Variants in PIEZO2 observed in about 807,000 individuals in gnomAD.
PIEZO2 encodes piezo type mechanosensitive ion channel component 2.
In PIEZO2, 172 loss-of-function variants were observed where a neutral mutation model predicts 337.3. The observed-to-expected ratio is 0.51, with a 90% CI of 0.45 to 0.58. The LOEUF (loss-of-function observed/expected upper bound fraction) is 0.58. PIEZO2 is among the 20% of genes least tolerant of loss of function. PIEZO2 has a pLI of 0.00. For synonymous variants in PIEZO2, 1,251 were observed against 1,228.5 expected (o/e 1.02, Z -0.38); for missense variants, 3,028 against 3,391.3 (o/e 0.89, Z 2.66).
At chr18:11,019,822 A>C (rs1010970058) in intron 2 of PIEZO2, among the ~76,000 whole-genome samples, 1 of 152,200 alleles carries the variant, frequency 6.6e-6, no homozygotes. Context: ...TTGTTTTCTT[A>C]ATAGTACTAA....
chr18:10,731,788 T>C (rs1409725210), intron 35 of PIEZO2, among the ~76,000 whole-genome samples: 1 of 152,302 alleles, frequency 6.6e-6, no homozygotes, highest in African/African-American at 2.4e-5. Flanking sequence ...AGTCCCTACA[T>C]CTCACCACAA....
At chr18:10,736,458 A>T in intron 34 of PIEZO2, 146 bp downstream of exon 34, 1 of 1,184,728 alleles carries the variant, frequency 8.4e-7, no homozygotes. Flanking sequence ...CAATTTAATT[A>T]GAAATAAAGA....
rs377231351 is a variant in PIEZO2, at chr18:11,127,354, C to G, written c.64+21171G>C. 6.6e-6 allele frequency among the ~76,000 whole-genome samples: 1 copy of G among 152,082 alleles called. No homozygotes were observed. The highest frequency in any genetic ancestry group is 2.4e-5 in the African/African-American group (1 of 41,408). ...GTGAACTTGATTGGATTGAAGGATA[C>G]GATGTATTGATCCTGGGTGTGTCTG... On this transcript the variant is annotated intron_variant, in intron 1 of 55. Coordinates refer to ENST00000674853, the MANE Select transcript of PIEZO2 (RefSeq NM_001378183.1). The surrounding 1 kb of genome is among the most constrained non-coding windows in gnomAD (Gnocchi z 4.5).
intron 32 of PIEZO2, 131 bp from the exon 33 acceptor site, chr18:10,741,233 T>C (rs992629397): frequency 3.6e-5 from 26 of 726,292 alleles, no homozygotes; most frequent in Middle Eastern, 3.2e-4. Flanking sequence ...GTAAAGGAAC[T>C]ATACTGAATC....
intron 4 of PIEZO2, among the ~76,000 whole-genome samples, chr18:10,883,230 G>A (rs118032411): frequency 0.011 from 1,740 of 152,146 alleles, 28 homozygotes; most frequent in Non-Finnish European, 0.013. Flanking sequence ...ATAAACAAGG[G>A]AGTATAAATA....
intron 29 of PIEZO2, among the ~76,000 whole-genome samples, chr18:10,749,531 C>CA: frequency 6.6e-6 from 1 of 152,038 alleles, no homozygotes; most frequent in South Asian, 2.1e-4. Context: ...CAAGTAGCAC[C>CA]CATTCTGGGT....
intron 15 of PIEZO2, 80 bp from the exon 16 acceptor site, chr18:10,787,264 A>T: frequency 8.0e-7 from 1 of 1,257,458 alleles, no homozygotes; most frequent in Non-Finnish European, 1.1e-6. Flanking sequence ...GTTTAATTCA[A>T]GTAAGACAAG....
intron 3 of PIEZO2, among the ~76,000 whole-genome samples, chr18:10,927,969 A>G (rs1487825342): frequency 6.6e-6 from 1 of 152,224 alleles, no homozygotes; most frequent in Non-Finnish European, 1.5e-5. Flanking sequence ...TTAGACGTGG[A>G]TTAATGTATT....
chr18:10,720,240 A>ATATATATATATATATATATATATATG, intron 36 of PIEZO2, among the ~76,000 whole-genome samples: 1 of 127,364 alleles, frequency 7.9e-6, no homozygotes, highest in Non-Finnish European at 1.7e-5. Flanking sequence ...GTGTGTATAT[A>ATATATATATATATATATATATATATG]TATATATATG....
intron 5 of PIEZO2, among the ~76,000 whole-genome samples, chr18:10,866,479 G>A (rs940304494): frequency 1.3e-5 from 2 of 152,114 alleles, no homozygotes; most frequent in African/African-American, 4.8e-5. Flanking sequence ...TAGAGACAGG[G>A]TTTCACTGTG....
intron 3 of PIEZO2, among the ~76,000 whole-genome samples, chr18:10,939,209 G>A (rs536483837): frequency 1.4e-5 from 2 of 145,926 alleles, no homozygotes; most frequent in East Asian, 4.0e-4. Flanking sequence ...TTTAGCTCAT[G>A]GATATATGCC....
intron 23 of PIEZO2, among the ~76,000 whole-genome samples, chr18:10,761,732 A>T (rs1018492787): frequency 1.1e-4 from 16 of 152,242 alleles, no homozygotes; most frequent in Admixed American, 3.3e-4. Flanking sequence ...GTACTGGTAC[A>T]AAAGATATCT....
In PIEZO2 at chr18:10,919,083, C is replaced by T. The variant is rs139394512; in HGVS notation, c.287-7855G>A. On this transcript the variant is annotated intron_variant, in intron 3 of 55. Coordinates refer to ENST00000674853, the MANE Select transcript of PIEZO2 (RefSeq NM_001378183.1). ...ACACAGAGTTGAGTTTTTTATAAATCTTTTTTATCTTTTACAAAACATTTT... is the reference window on the plus strand; with the variant it reads ...ACACAGAGTTGAGTTTTTTATAAATTTTTTTTATCTTTTACAAAACATTTT... Among the ~76,000 whole-genome samples the T allele has an allele frequency of 1.3e-4, 19 of 151,894 alleles. 1 individual carries two copies. Among genetic ancestry groups the T allele is most frequent in the African/African-American group, 4.6e-4 (19 of 41,442 alleles).
chr18:10,921,355 G>A (rs1481974180), intron 3 of PIEZO2, among the ~76,000 whole-genome samples: 2 of 152,144 alleles, frequency 1.3e-5, no homozygotes, highest in East Asian at 3.9e-4. Context: ...AACATGAATT[G>A]TAAAGATTTC....
chr18:10,906,408 C>G (rs1319271364), intron 4 of PIEZO2, among the ~76,000 whole-genome samples: 1 of 152,096 alleles, frequency 6.6e-6, no homozygotes, highest in Admixed American at 6.5e-5. Context: ...AATATGATCT[C>G]CCAGTAAGCA....
chr18:11,013,856 C>G (rs1013362719), intron 2 of PIEZO2, among the ~76,000 whole-genome samples: 9 of 152,302 alleles, frequency 5.9e-5, no homozygotes, highest in Admixed American at 3.9e-4. Context: ...GAAGATTGTG[C>G]TGTTCTAATT....
chr18:10,881,900 C>T (rs1038933039), intron 4 of PIEZO2, among the ~76,000 whole-genome samples: 3 of 152,086 alleles, frequency 2.0e-5, no homozygotes, highest in African/African-American at 7.2e-5. Flanking sequence ...TTGCCATCTT[C>T]AATCTCACTT....
rs141111995 is a variant in PIEZO2, at chr18:11,019,428, C to T, written c.161-39768G>A. ...CTGGCATCCTTTTGGATCACTGGAACAGGTAACTCTTTCCTCTCATCTGGG... is the reference window on the plus strand; with the variant it reads ...CTGGCATCCTTTTGGATCACTGGAATAGGTAACTCTTTCCTCTCATCTGGG... On this transcript the variant is annotated intron_variant, in intron 2 of 55. Transcript: ENST00000674853. Among the ~76,000 whole-genome samples, 110 of 152,360 alleles carry T rather than the reference C, an allele frequency of 7.2e-4. 1 individual carries two copies. Among genetic ancestry groups the T allele is most frequent in the African/African-American group, 2.6e-3 (107 of 41,582 alleles).
chr18:10,944,921 A>T (rs2032939064), intron 3 of PIEZO2, among the ~76,000 whole-genome samples: 3 of 152,152 alleles, frequency 2.0e-5, no homozygotes, highest in Admixed American at 2.0e-4. Context: ...TTGCTACCAG[A>T]TTCTTGCCGT....
Sources: allele counts gnomAD v4.1 joint callset (sites outside exome capture counted in the v4.1 genomes callset), GRCh38; gene constraint gnomAD v4.1.1; non-coding constraint Gnocchi (gnomAD v3.1); transcripts MANE v1.5; gene names NCBI Gene and HGNC (gene_info 2026-07-23, HGNC 2026-07-21).